USP13: variants seen among roughly 807,000 people sequenced by gnomAD.
USP13 encodes ubiquitin carboxyl-terminal hydrolase 13.
A neutral mutation model predicts 107.8 loss-of-function variants in USP13; 68 were observed. That is an observed-to-expected ratio of 0.63 (90% confidence interval 0.52 to 0.77). The LOEUF is 0.77. Among genes scored for constraint, USP13 ranks in the 30% least tolerant of loss-of-function variants. The pLI is 0.00. For synonymous variants in USP13, 377 were observed against 389.5 expected, an observed-to-expected ratio of 0.97 and a Z score of 0.38; for missense variants, 945 against 1,093.3, an observed-to-expected ratio of 0.86 and a Z score of 1.91.
chr3:179,657,377 G>A (rs554867443), intron 1 of USP13, among the ~76,000 whole-genome samples: 1 of 151,258 alleles, frequency 6.6e-6, no homozygotes, highest in East Asian at 2.0e-4. Context: ...CTGGGCAACA[G>A]AGTGAGACTC....
rs1295973502 is a variant in USP13 at position 179,653,210 on chromosome 3, G to C, written c.-16G>C. On this transcript the variant is annotated 5_prime_UTR_variant, in exon 1 of 21. Transcript: ENST00000263966. This position sits in a 1 kb window ranked among gnomAD's most constrained non-coding sequence, Gnocchi z 4.0. ...GCTCCGGCTCGGCTCGCTCGGCTCC[G>C]GTGCGCGCCGAGGCCATGCAGCGCC... The C allele has an allele frequency of 6.7e-7, 1 of 1,490,320 alleles. No homozygotes were observed. The highest frequency in any genetic ancestry group is 8.9e-7 in the Non-Finnish European group (1 of 1,120,138). The allele number at this position is 1,490,320 out of a possible 1,614,324, so 92.3% of individuals were successfully genotyped here. A position where few individuals can be genotyped will look rare whatever the true frequency, so the allele number is the denominator to read the frequency against.
chr3:179,728,129 A>G (rs1713622354), intron 8 of USP13, among the ~76,000 whole-genome samples: 1 of 110,280 alleles, frequency 9.1e-6, no homozygotes, highest in East Asian at 3.1e-4. Flanking sequence ...GGGGCTCCTC[A>G]CTTCCCAGTA....
At chr3:179,705,477 C>G (rs1712678952) in intron 4 of USP13, among the ~76,000 whole-genome samples, 1 of 152,136 alleles carries the variant, frequency 6.6e-6, no homozygotes, top group African/African-American at 2.4e-5. Flanking sequence ...TACTTTCTAG[C>G]TCTATAGATT....
chr3:179,726,174 A>G (rs1713509028), intron 8 of USP13, among the ~76,000 whole-genome samples: 1 of 152,190 alleles, frequency 6.6e-6, no homozygotes, highest in Non-Finnish European at 1.5e-5. Flanking sequence ...CAGGCTTGAG[A>G]AGGAGCTGCC....
chr3:179,674,897 A>G (rs968419996), intron 1 of USP13, among the ~76,000 whole-genome samples: 56 of 152,128 alleles, frequency 3.7e-4, no homozygotes, highest in African/African-American at 1.4e-3. Context: ...TGGAAACTAA[A>G]TGGTTTTTTA....
chr3:179,762,378 C>T (rs887505989), intron 17 of USP13, among the ~76,000 whole-genome samples: 2 of 152,130 alleles, frequency 1.3e-5, no homozygotes, highest in South Asian at 2.1e-4. Flanking sequence ...GTCAAGAGTT[C>T]AAGACCAGCC....
intron 2 of USP13, among the ~76,000 whole-genome samples, chr3:179,685,946 C>T (rs965204364): frequency 2.6e-5 from 4 of 152,130 alleles, no homozygotes; most frequent in African/African-American, 7.2e-5. Context: ...CTTTTATTCT[C>T]CTGTCTTGCC....
intron 1 of USP13, among the ~76,000 whole-genome samples, chr3:179,671,721 A>C (rs1467827494): frequency 1.3e-5 from 2 of 152,148 alleles, no homozygotes; most frequent in Non-Finnish European, 2.9e-5. Flanking sequence ...AATTACAAGC[A>C]GCTCATTTGG....
At chr3:179,660,980 G>T (rs181861405) in intron 1 of USP13, among the ~76,000 whole-genome samples, 158 of 152,238 alleles carry the variant, frequency 1.0e-3, no homozygotes, top group African/African-American at 3.7e-3. Context: ...TGTGATTTCT[G>T]TTGCTATTTA....
At chr3:179,754,598 C>T (rs993027970) in intron 14 of USP13, 134 bp from the exon 15 acceptor site, 15 of 1,211,784 alleles carry the variant, frequency 1.2e-5, no homozygotes, top group African/African-American at 1.1e-4. Context: ...ACCTGCTGGT[C>T]GAGCAACATA....
At chr3:179,691,128 C>G (rs1712102856) in intron 3 of USP13, among the ~76,000 whole-genome samples, 1 of 149,440 alleles carries the variant, frequency 6.7e-6, no homozygotes, top group Non-Finnish European at 1.5e-5. Context: ...ATGATTGCCA[C>G]TGCACTCCAG....
chr3:179,757,105 A>G (rs760905244), intron 16 of USP13, 27 bp downstream of exon 16: 67 of 1,609,516 alleles, frequency 4.2e-5, no homozygotes, highest in Non-Finnish European at 4.6e-5. Context: ...ATGTTTCTCA[A>G]TGTCCTACTG....
intron 3 of USP13, among the ~76,000 whole-genome samples, chr3:179,694,781 A>G (rs1286631467): frequency 7.1e-6 from 1 of 141,662 alleles, no homozygotes. Context: ...AGCCTGGGCA[A>G]AGAGTGAAAC....
In USP13 at chr3:179,678,497, G is replaced by A. The variant is rs1353202179; in HGVS notation, c.169-3381G>A. On this transcript the variant is annotated intron_variant, in intron 1 of 20. Transcript: ENST00000263966. This position sits in a 1 kb window ranked among gnomAD's most constrained non-coding sequence, Gnocchi z 4.2. ...GATGCTATTTTTTTTTTTTGAGACA[G>A]GGTCTCTTTCTGTCACCCAGGCTGG... Among the ~76,000 whole-genome samples the A allele has an allele frequency of 2.7e-5, 4 of 149,894 alleles. No individual in the cohort carries two copies. The highest frequency in any genetic ancestry group is 7.4e-5 in the African/African-American group (3 of 40,490).
intron 19 of USP13, among the ~76,000 whole-genome samples, chr3:179,770,947 T>A (rs1715326101): frequency 6.6e-6 from 1 of 152,186 alleles, no homozygotes; most frequent in African/African-American, 2.4e-5. Context: ...TAATTGGTGT[T>A]TGAGGAACCA....
intron 8 of USP13, among the ~76,000 whole-genome samples, chr3:179,727,578 A>T (rs946962180): frequency 1.0e-4 from 12 of 116,154 alleles, no homozygotes; most frequent in Non-Finnish European, 1.7e-4. Flanking sequence ...TTCTACACAG[A>T]CACGGCAACC....
intron 15 of USP13, 62 bp from the exon 16 acceptor site, chr3:179,756,990 T>C (rs1004630893): frequency 6.3e-7 from 1 of 1,590,134 alleles, no homozygotes; most frequent in Non-Finnish European, 8.6e-7. Flanking sequence ...ATGGGTTTTC[T>C]TTTTTCTAAA....
At chr3:179,698,871 AT>A (rs397688832) in intron 3 of USP13, among the ~76,000 whole-genome samples, 69 of 144,520 alleles carry the variant, frequency 4.8e-4, no homozygotes, top group Middle Eastern at 3.5e-3. Flanking sequence ...GTTGAATACT[AT>A]TTTTTTTTTT....
At chr3:179,748,468 C>G (rs932177449) in intron 13 of USP13, among the ~76,000 whole-genome samples, 6 of 152,148 alleles carry the variant, frequency 3.9e-5, no homozygotes, top group Admixed American at 2.0e-4. Flanking sequence ...TTGTTACACC[C>G]AGAGCCTGAA....
Sources: gnomAD v4.1 joint callset for allele counts (sites outside exome capture counted in the v4.1 genomes callset) on GRCh38, gnomAD v4.1.1 for gene constraint, Gnocchi (gnomAD v3.1) non-coding constraint, MANE v1.5 for transcripts, NCBI Gene and HGNC (gene_info 2026-07-23, HGNC 2026-07-21) for gene names.